Variants in TCF20 observed in about 807,000 individuals in gnomAD.
The protein encoded by TCF20 is transcription factor 20, also known as SPRE-binding protein.
TCF20 carries 3 observed loss-of-function variants against 148.6 expected under a neutral mutation model. The observed-to-expected ratio is 0.02, with a 90% CI of 0.01 to 0.05. TCF20 has a LOEUF of 0.05. Among genes scored for constraint, TCF20 ranks in the 10% least tolerant of loss-of-function variants. The pLI, the probability that TCF20 is intolerant of heterozygous loss-of-function variation, is 1.00. For synonymous variants in TCF20, 1,049 were observed against 909.5 expected (o/e 1.15, Z -2.76); for missense variants, 2,350 against 2,429.3 (o/e 0.97, Z 0.69).
intron 1 of TCF20, among the ~76,000 whole-genome samples, chr22:42,337,629 C>T (rs984396287): frequency 2.6e-5 from 4 of 152,238 alleles, no homozygotes; most frequent in Non-Finnish European, 4.4e-5. Context: ...TCTCCTGCAT[C>T]AGTCAGGACA....
chr22:42,223,394 T>C (rs963787695), intron 1 of TCF20, among the ~76,000 whole-genome samples: 2 of 152,180 alleles, frequency 1.3e-5, no homozygotes, highest in Non-Finnish European at 2.9e-5. Context: ...GCAAGGAAGA[T>C]CCAAATGCAT....
intron 2 of TCF20, among the ~76,000 whole-genome samples, chr22:42,208,674 C>A (rs1316621546): frequency 6.6e-6 from 1 of 151,832 alleles, no homozygotes; most frequent in Non-Finnish European, 1.5e-5. Flanking sequence ...ATAGAGAAAT[C>A]AGAACAAAAA....
In TCF20 at chr22:42,214,219, T is replaced by TCTGGTGAAACTGCATGGGGGA; in HGVS notation, c.1066_1086dup (p.Ser356_Gln362dup). The TCTGGTGAAACTGCATGGGGGA allele has an allele frequency of 6.2e-7, 1 of 1,614,196 alleles. No individual in the cohort carries two copies. The highest frequency in any genetic ancestry group is 8.5e-7 in the Non-Finnish European group (1 of 1,180,040). On this transcript the variant is annotated inframe_insertion, in exon 2 of 6. Transcript: ENST00000677622. Reference sequence around the variant, plus strand: ...GAAGGGTTAGAAATGGGGCTGAAGTTCTGGTGAAACTGCATGGGGGACCTC... The same window carrying TCTGGTGAAACTGCATGGGGGA: ...GAAGGGTTAGAAATGGGGCTGAAGTTCTGGTGAAACTGCATGGGGGACTGGTGAAACTGCATGGGGGACCTC...
intron 4 of TCF20, 141 bp downstream of exon 4, chr22:42,169,706 G>A: frequency 1.3e-6 from 1 of 780,992 alleles, no homozygotes; most frequent in Non-Finnish European, 2.1e-6. Flanking sequence ...CACCCTCCCA[G>A]GGCCAGGAGG....
intron 4 of TCF20, 78 bp downstream of exon 4, chr22:42,169,769 C>T: frequency 6.7e-7 from 1 of 1,499,696 alleles, no homozygotes. Context: ...GGCCCACCAA[C>T]ACCTGGTCTT....
In TCF20 at chr22:42,195,645, G is replaced by T. The variant is rs144015660; in HGVS notation, c.5655+14006C>A. ...CTCCCCAGCAGTTGGGATTACAGGT[G>T]CCCACCACCATGCCCAGCTAACTTC... On this transcript the variant is annotated intron_variant, in intron 2 of 5. Coordinates refer to ENST00000677622, the MANE Select transcript of TCF20 (RefSeq NM_001378418.1). 1.9e-4 allele frequency among the ~76,000 whole-genome samples: 29 copies of T among 151,972 alleles called. No homozygotes were observed. The Middle Eastern group carries it at 0.017, about 89-fold the overall frequency.
intron 1 of TCF20, among the ~76,000 whole-genome samples, chr22:42,342,327 G>C (rs960433278): frequency 1.3e-5 from 2 of 152,162 alleles, no homozygotes; most frequent in Non-Finnish European, 2.9e-5. Context: ...AGGTAGGAAG[G>C]CCACAGGCCT....
Position 42,310,029 on chromosome 22 carries a change from C to A in TCF20, c.-37+33450G>T, listed in dbSNP as rs112867256. Among the ~76,000 whole-genome samples the A allele has an allele frequency of 4.6e-3, 707 of 152,344 alleles. 10 individuals are homozygous for A. Among genetic ancestry groups the A allele is most frequent in the African/African-American group, 0.016 (668 of 41,578 alleles). The stretch of plus-strand genomic sequence containing the variant: ...GGCACTGCTGAATCAGAGGGCAGAA[C>A]AGCCAACTGCCCGGAGCGGCCATGA... On this transcript the variant is annotated intron_variant, in intron 1 of 1. Coordinates refer to the TCF20 transcript ENST00000515426.
intron 1 of TCF20, among the ~76,000 whole-genome samples, chr22:42,225,597 G>C (rs1391976822): frequency 6.8e-6 from 1 of 148,040 alleles, no homozygotes; most frequent in Non-Finnish European, 1.5e-5. Flanking sequence ...GTCCGGCCTG[G>C]GCGACAGAGC....
chr22:42,181,135 A>G (rs1936752448), intron 2 of TCF20, among the ~76,000 whole-genome samples: 1 of 152,206 alleles, frequency 6.6e-6, no homozygotes, highest in Non-Finnish European at 1.5e-5. Context: ...TCAACTTCAG[A>G]GAAGGGAGTG....
chr22:42,211,492 C>G lies in TCF20; in HGVS notation c.3814G>C (p.Asp1272His). ...SPIPSKRQSQ[D>H]VKNSSTEDKG... ...TCTTCAGTGCTACTGTTCTTTACAT[C>G]TTGTGACTGTCTCTTACTGGGAATG... Residue 1272 changes from aspartate to histidine, a missense_variant, in exon 2 of 6, where the codon GAT becomes CAT. This residue lies in a region of TCF20 where 1,641 missense variants were observed against 1,662.6 expected (regional missense o/e 0.99). Transcript: ENST00000677622. 6.2e-7 allele frequency: 1 copy of G among 1,614,180 alleles called. No individual in the cohort carries two copies. Among genetic ancestry groups the G allele is most frequent in the Non-Finnish European group, 8.5e-7 (1 of 1,180,036 alleles).
At chr22:42,223,170 C>A (rs148184127) in intron 1 of TCF20, among the ~76,000 whole-genome samples, 167 of 152,162 alleles carry the variant, frequency 1.1e-3, no homozygotes, top group African/African-American at 3.9e-3. Context: ...TAAATAATTG[C>A]CATTTATTTA....
upstream of TCF20, among the ~76,000 whole-genome samples, chr22:42,270,813 C>T (rs956445937): frequency 1.4e-5 from 2 of 147,766 alleles, no homozygotes; most frequent in Non-Finnish European, 3.0e-5. Flanking sequence ...GGCGTCGAGG[C>T]TGGCGCGCGC....
At chr22:42,333,598 A>G (rs978531275) in intron 1 of TCF20, among the ~76,000 whole-genome samples, 1 of 152,236 alleles carries the variant, frequency 6.6e-6, no homozygotes, top group African/African-American at 2.4e-5. Flanking sequence ...CAAAGGGGTA[A>G]AGGTGTAAAA....
chr22:42,250,931 G>A (rs1316183651), intron 1 of TCF20, among the ~76,000 whole-genome samples: 1 of 152,166 alleles, frequency 6.6e-6, no homozygotes, highest in Non-Finnish European at 1.5e-5. Context: ...AGTGTGAGGT[G>A]CCACACTTTT....
chr22:42,177,233 G>A (rs2147085336), intron 3 of TCF20, among the ~76,000 whole-genome samples: 1 of 152,158 alleles, frequency 6.6e-6, no homozygotes, highest in South Asian at 2.1e-4. Context: ...TGGCCAACAT[G>A]GCAAAACCCC....
At chr22:42,260,252 T>G (rs1925958441) in intron 1 of TCF20, among the ~76,000 whole-genome samples, 4 of 152,020 alleles carry the variant, frequency 2.6e-5, no homozygotes, top group Admixed American at 2.0e-4. Context: ...AACCTGTAGC[T>G]TAGAGAGCAA....
chr22:42,212,987 T>C lies in TCF20; in HGVS notation c.2319A>G (p.Gln773=). Reference sequence around the variant, plus strand: ...GGCTACCAGCCATCCCCTGATGCTCTTGAGTACTCCTAGAATATCTCCTGT... The same window carrying C: ...GGCTACCAGCCATCCCCTGATGCTCCTGAGTACTCCTAGAATATCTCCTGT... ...HPDRRYSRST[Q]EHQGMAGSLE... Residue 773 remains glutamine (Q), a synonymous_variant, in exon 2 of 6, where the codon CAA becomes CAG. Transcript: ENST00000677622. The C allele has an allele frequency of 6.2e-7, 1 of 1,614,154 alleles. No homozygotes were observed. Among genetic ancestry groups the C allele is most frequent in the Non-Finnish European group, 8.5e-7 (1 of 1,180,026 alleles).
intron 1 of TCF20, chr22:42,269,996 T>G (rs1926511450): frequency 6.6e-6 from 1 of 152,216 alleles, no homozygotes; most frequent in Non-Finnish European, 1.5e-5. Flanking sequence ...ACCCGCCGCC[T>G]TTGCACCCAA....
Sources: allele counts gnomAD v4.1 joint callset (sites outside exome capture counted in the v4.1 genomes callset), GRCh38; gene constraint gnomAD v4.1.1; regional missense constraint gnomAD v4.1.1; transcripts MANE v1.5; gene names NCBI Gene and HGNC (gene_info 2026-07-23, HGNC 2026-07-21).